Variants in MTUS1 observed in about 807,000 individuals in gnomAD.
The protein encoded by MTUS1 is microtubule associated scaffold protein 1.
In MTUS1, 109 loss-of-function variants were observed where a neutral mutation model predicts 120.8. The observed-to-expected ratio is 0.90, with a 90% CI of 0.77 to 1.06. The LOEUF is 1.06. MTUS1 is among the 50% of genes least tolerant of loss of function. MTUS1 has a pLI of 0.00. For synonymous variants in MTUS1, 737 were observed against 550.5 expected (o/e 1.34, Z -4.74); for missense variants, 2,210 against 1,486.3 (o/e 1.49, Z -8.01).
chr8:17,686,418 A>G, intron 6 of MTUS1, among the ~76,000 whole-genome samples: 1 of 152,264 alleles, frequency 6.6e-6, no homozygotes, highest in East Asian at 1.9e-4. Context: ...TATGTGTTAT[A>G]TAACTTTATA....
intron 9 of MTUS1, 166 bp from the exon 10 acceptor site, chr8:17,654,832 T>A: frequency 1.7e-6 from 1 of 604,172 alleles, no homozygotes; most frequent in South Asian, 2.0e-5. Flanking sequence ...TTCACACTTG[T>A]AACCTCAGCA....
chr8:17,730,260 G>A (rs766274319), intron 3 of MTUS1, among the ~76,000 whole-genome samples: 11 of 152,134 alleles, frequency 7.2e-5, no homozygotes, highest in African/African-American at 9.6e-5. Flanking sequence ...GGGGATCACC[G>A]GAGGCCAGGC....
intron 1 of MTUS1, among the ~76,000 whole-genome samples, chr8:17,764,203 T>C (rs1218612739): frequency 1.3e-5 from 2 of 152,164 alleles, no homozygotes; most frequent in Non-Finnish European, 2.9e-5. Flanking sequence ...AACAAAGATG[T>C]TACAGGCCTG....
intron 1 of MTUS1, among the ~76,000 whole-genome samples, chr8:17,759,815 A>C (rs919676764): frequency 6.6e-6 from 1 of 151,760 alleles, no homozygotes; most frequent in Non-Finnish European, 1.5e-5. Flanking sequence ...TAGATTTACA[A>C]GCTAGTGGTT....
At chr8:17,670,180 C>T (rs917261511) in intron 8 of MTUS1, among the ~76,000 whole-genome samples, 1 of 152,186 alleles carries the variant, frequency 6.6e-6, no homozygotes. Context: ...TGAGGAGACG[C>T]TGCATGGCGC....
chr8:17,710,712 C>T (rs113159191), intron 6 of MTUS1, among the ~76,000 whole-genome samples: 1 of 152,180 alleles, frequency 6.6e-6, no homozygotes. Flanking sequence ...AGGTTTTCAA[C>T]TGACTTTGCC....
intron 2 of MTUS1, among the ~76,000 whole-genome samples, chr8:17,744,318 C>T (rs1489191180): frequency 6.6e-6 from 1 of 152,138 alleles, no homozygotes; most frequent in Non-Finnish European, 1.5e-5. Context: ...TAAAGGCGGC[C>T]ACGTATGAGA....
chr8:17,797,953 C>T (rs923026216), intron 1 of MTUS1, among the ~76,000 whole-genome samples: 2 of 152,042 alleles, frequency 1.3e-5, no homozygotes, highest in Non-Finnish European at 2.9e-5. Flanking sequence ...AAATACTTTG[C>T]TGAGTAGCAG....
rs1805369440 is a variant in MTUS1, at chr8:17,644,162, A to C, written c.*1764T>G. The C allele has an allele frequency of 6.6e-6, 1 of 152,262 alleles. No individual in the cohort carries two copies. The highest frequency in any genetic ancestry group is 1.5e-5 in the Non-Finnish European group (1 of 68,042). The allele number at this position is 152,262 out of a possible 1,614,324, so 9.4% of individuals were successfully genotyped here. A position where few individuals can be genotyped will look rare whatever the true frequency, so the allele number is the denominator to read the frequency against. ...ACAACTTGGAAGCGTGAGCAGAGAT[A>C]TCTCATGAAGTGGCAGTGAACCTAC... On this transcript the variant is annotated 3_prime_UTR_variant, in exon 15 of 15. Coordinates refer to ENST00000693296, the MANE Select transcript of MTUS1 (RefSeq NM_001363059.2).
chr8:17,774,392 A>T (rs1462374505), intron 1 of MTUS1, among the ~76,000 whole-genome samples: 1 of 152,202 alleles, frequency 6.6e-6, no homozygotes, highest in Non-Finnish European at 1.5e-5. Context: ...CTCAAATCAG[A>T]AGAGGATAAG....
At chr8:17,787,228 G>A (rs1414067086) in intron 1 of MTUS1, among the ~76,000 whole-genome samples, 2 of 152,162 alleles carry the variant, frequency 1.3e-5, no homozygotes, top group Admixed American at 6.6e-5. Flanking sequence ...CCTCCAGCAT[G>A]GGTAAAGATA....
chr8:17,780,210 G>C (rs929392456), intron 1 of MTUS1, among the ~76,000 whole-genome samples: 4 of 151,978 alleles, frequency 2.6e-5, no homozygotes, highest in African/African-American at 9.7e-5. Flanking sequence ...AAAAAGTGTG[G>C]TACCTCCCCC....
chr8:17,767,006 TA>T (rs979519595), intron 1 of MTUS1, among the ~76,000 whole-genome samples: 2 of 152,128 alleles, frequency 1.3e-5, no homozygotes, highest in Non-Finnish European at 2.9e-5. Context: ...GACCAGTATA[TA>T]ATAAGACTGG....
intron 1 of MTUS1, among the ~76,000 whole-genome samples, chr8:17,775,911 C>G (rs766016505): frequency 6.6e-6 from 1 of 152,218 alleles, no homozygotes; most frequent in Admixed American, 6.5e-5. Flanking sequence ...AGTCAAGGTG[C>G]TTAGGTTCCT....
At chr8:17,680,251 G>A (rs1301958524) in intron 7 of MTUS1, among the ~76,000 whole-genome samples, 1 of 151,970 alleles carries the variant, frequency 6.6e-6, no homozygotes, top group African/African-American at 2.4e-5. Flanking sequence ...ATCACTTGAG[G>A]TGAGGACTTT....
At chr8:17,658,988 A>G (rs547725320) in intron 8 of MTUS1, among the ~76,000 whole-genome samples, 4 of 152,242 alleles carry the variant, frequency 2.6e-5, no homozygotes, top group African/African-American at 9.6e-5. Context: ...TCCCCAAAAC[A>G]AAAACTATTT....
intron 1 of MTUS1, among the ~76,000 whole-genome samples, chr8:17,790,478 T>C (rs771431116): frequency 6.6e-5 from 10 of 152,234 alleles, no homozygotes; most frequent in Non-Finnish European, 1.2e-4. Flanking sequence ...TACAGTTCTA[T>C]TAGGACTTAT....
chr8:17,651,051 T>A (rs1176716140), intron 12 of MTUS1, among the ~76,000 whole-genome samples: 3 of 152,200 alleles, frequency 2.0e-5, no homozygotes, highest in African/African-American at 7.2e-5. Flanking sequence ...GGAAACGTGT[T>A]CCACGGGTTA....
rs536962133 is a variant in MTUS1 at position 17,649,972 on chromosome 8, A to G, written c.3385-10T>C. The G allele has an allele frequency of 4.4e-6, 6 of 1,367,682 alleles. No homozygotes were observed. Among genetic ancestry groups the G allele is most frequent in the Non-Finnish European group, 5.2e-6 (5 of 955,382 alleles). 84.7% of individuals were successfully genotyped at this position (1,367,682 alleles called of 1,614,324 possible). On this transcript the variant is annotated splice_polypyrimidine_tract_variant and intron_variant, in intron 12 of 14. Transcript: ENST00000693296. The stretch of plus-strand genomic sequence containing the variant: ...TGATCTGAGGATTTTTCTGGAAAGG[A>G]CACAGCAAGATACTGCTCTTATTCC...
Sources: allele counts gnomAD v4.1 joint callset (sites outside exome capture counted in the v4.1 genomes callset), GRCh38; gene constraint gnomAD v4.1.1; transcripts MANE v1.5; gene names NCBI Gene and HGNC (gene_info 2026-07-23, HGNC 2026-07-21).